SOX6: variants seen among roughly 807,000 people sequenced by gnomAD.
SOX6 encodes transcription factor SOX-6.
A neutral mutation model predicts 97.8 loss-of-function variants in SOX6; 11 were observed. That is an observed-to-expected ratio of 0.11 (90% CI 0.07 to 0.19). The LOEUF (loss-of-function observed/expected upper bound fraction) is 0.19. SOX6 is among the 10% of genes least tolerant of loss of function. The probability of loss-of-function intolerance (pLI) is 1.00; values close to 1 mark genes in which losing one functional copy is unlikely to be tolerated. For missense variants in SOX6, 810 were observed against 1,039.5 expected (o/e 0.78, Z 3.04); for synonymous variants, 360 against 371.4 (o/e 0.97, Z 0.35).
At position 16,610,391 on chromosome 11, in the gene SOX6, C is replaced by G. The variant is rs1434038482; in HGVS notation, n.609+1690G>C. Among the ~76,000 whole-genome samples the G allele has an allele frequency of 6.6e-6, 1 of 152,194 alleles. No individual in the cohort carries two copies. Among genetic ancestry groups the G allele is most frequent in the Non-Finnish European group, 1.5e-5 (1 of 68,038 alleles). Reference sequence around the variant, plus strand: ...TTTGGCTTTCCAAATACTAGCGCGTCCGTCTCTTTAAATCACAGAGCAATC... The same window carrying G: ...TTTGGCTTTCCAAATACTAGCGCGTGCGTCTCTTTAAATCACAGAGCAATC... On this transcript the variant is annotated intron_variant and non_coding_transcript_variant, in intron 4 of 5. Coordinates refer to the SOX6 transcript ENST00000524520. The surrounding 1 kb of genome is among the most constrained non-coding windows in gnomAD (Gnocchi z 4.4).
intron 3 of SOX6, among the ~76,000 whole-genome samples, chr11:16,709,714 G>A (rs902652682): frequency 2.0e-5 from 3 of 152,146 alleles, no homozygotes; most frequent in Admixed American, 1.3e-4. Context: ...CCCAGTCTCA[G>A]GTATTTCTTT....
chr11:16,353,534 A>C (rs2134363241), intron 1 of SOX6, among the ~76,000 whole-genome samples: 1 of 152,056 alleles, frequency 6.6e-6, no homozygotes, highest in East Asian at 1.9e-4. Flanking sequence ...CAAATAACTA[A>C]AGTGCTGCTA....
chr11:16,100,429 T>C (rs1848914840), intron 7 of SOX6, among the ~76,000 whole-genome samples: 1 of 151,684 alleles, frequency 6.6e-6, no homozygotes, highest in Non-Finnish European at 1.5e-5. Context: ...TTTTCCAGCT[T>C]TCTACATATT....
intron 1 of SOX6, among the ~76,000 whole-genome samples, chr11:16,475,840 C>T (rs539388757): frequency 2.0e-5 from 3 of 152,100 alleles, no homozygotes; most frequent in Non-Finnish European, 4.4e-5. Flanking sequence ...TGCAATAAAA[C>T]GAGGTATGCC....
intron 6 of SOX6, among the ~76,000 whole-genome samples, chr11:16,167,979 C>T (rs1415713845): frequency 2.0e-5 from 3 of 152,102 alleles, no homozygotes; most frequent in Non-Finnish European, 4.4e-5. Context: ...GTATCAGAAA[C>T]ATAACAACTG....
chr11:16,335,593 T>G (rs1400375690), intron 2 of SOX6, among the ~76,000 whole-genome samples: 1 of 152,194 alleles, frequency 6.6e-6, no homozygotes, highest in Non-Finnish European at 1.5e-5. Flanking sequence ...TGGCAACAAT[T>G]CAAGTTTTTA....
Position 15,971,993 on chromosome 11 carries a change from GGTGT to G in SOX6, c.*812_*815del. 1 of 152,642 alleles carries G rather than the reference GGTGT, an allele frequency of 6.6e-6. No individual in the cohort carries two copies. The highest frequency in any genetic ancestry group is 2.4e-5 in the African/African-American group (1 of 41,526). 9.5% of individuals were successfully genotyped at this position (152,642 alleles called of 1,614,324 possible). On this transcript the variant is annotated 3_prime_UTR_variant, in exon 16 of 16. Coordinates refer to ENST00000683767, the MANE Select transcript of SOX6 (RefSeq NM_001367873.1). ...CGATATCTGGTGTGGCGGTTGCTCT[GGTGT>G]GTGTATGTCATACCACATCACGCAC...
At chr11:16,362,550 G>C (rs779375593) in intron 1 of SOX6, among the ~76,000 whole-genome samples, 1 of 152,016 alleles carries the variant, frequency 6.6e-6, no homozygotes, top group Admixed American at 6.6e-5. Flanking sequence ...TTATAGAACA[G>C]CAAGATAATT....
At chr11:16,339,778 C>T (rs575189740) in intron 2 of SOX6, among the ~76,000 whole-genome samples, 2 of 152,156 alleles carry the variant, frequency 1.3e-5, no homozygotes, top group South Asian at 2.1e-4. Context: ...AAAAATGAAA[C>T]ATCGCTCCAT....
intron 4 of SOX6, among the ~76,000 whole-genome samples, chr11:16,550,774 T>C (rs963045871): frequency 6.6e-6 from 1 of 152,190 alleles, no homozygotes; most frequent in Non-Finnish European, 1.5e-5. Flanking sequence ...AATAATATTA[T>C]TTAAAGGTAG....
At chr11:16,424,000 T>C (rs1183431949) in intron 1 of SOX6, among the ~76,000 whole-genome samples, 1 of 152,200 alleles carries the variant, frequency 6.6e-6, no homozygotes, top group Non-Finnish European at 1.5e-5. Context: ...CCGTATTAAT[T>C]ACTACAGAAA....
chr11:16,394,191 G>C (rs868773444), intron 1 of SOX6, among the ~76,000 whole-genome samples: 1 of 151,792 alleles, frequency 6.6e-6, no homozygotes, highest in African/African-American at 2.4e-5. Flanking sequence ...ATGGAAAAAG[G>C]CACCATCAGA....
At chr11:16,692,343 C>G (rs1188685102) in intron 3 of SOX6, among the ~76,000 whole-genome samples, 1 of 152,128 alleles carries the variant, frequency 6.6e-6, no homozygotes, top group Non-Finnish European at 1.5e-5. Flanking sequence ...AACCACCGCA[C>G]CTGGCCCACT....
chr11:16,736,532 C>G (rs1455026196), intron 1 of SOX6: 1 of 152,228 alleles, frequency 6.6e-6, no homozygotes, highest in South Asian at 2.1e-4. Flanking sequence ...CTTTCACCAA[C>G]TAGTAAAATT....
intron 4 of SOX6, among the ~76,000 whole-genome samples, chr11:16,538,561 A>G (rs777444588): frequency 8.5e-5 from 13 of 152,288 alleles, no homozygotes; most frequent in South Asian, 2.1e-4. Flanking sequence ...CCATCAGTGT[A>G]CTGTATTCAG....
chr11:15,970,299 C>T lies in SOX6; in HGVS notation c.*2510G>A, dbSNP rs959283468. 7 of 152,502 alleles carry T rather than the reference C, an allele frequency of 4.6e-5. No individual in the cohort carries two copies. The highest frequency in any genetic ancestry group is 1.7e-4 in the African/African-American group (7 of 41,394). The allele number at this position is 152,502 out of a possible 1,614,324, so 9.4% of individuals were successfully genotyped here. A position where few individuals can be genotyped will look rare whatever the true frequency, so the allele number is the denominator to read the frequency against. On this transcript the variant is annotated 3_prime_UTR_variant, in exon 16 of 16. Coordinates refer to ENST00000683767, the MANE Select transcript of SOX6 (RefSeq NM_001367873.1). Reference sequence around the variant, plus strand: ...CAGTCCTAAAGAACAGTCCTTTGTTCTCCACCAGCCCAGAATATTATTTTG... The same window carrying T: ...CAGTCCTAAAGAACAGTCCTTTGTTTTCCACCAGCCCAGAATATTATTTTG...
intron 7 of SOX6, among the ~76,000 whole-genome samples, chr11:16,104,653 C>T (rs1047973095): frequency 6.6e-6 from 1 of 151,068 alleles, no homozygotes. Flanking sequence ...CACACATACA[C>T]ACACACACAC....
At chr11:16,595,050 A>T (rs924242571) in intron 4 of SOX6, among the ~76,000 whole-genome samples, 1 of 152,178 alleles carries the variant, frequency 6.6e-6, no homozygotes, top group South Asian at 2.1e-4. Flanking sequence ...ATGTTCTTTA[A>T]ATATGATGCT....
At chr11:16,521,423 G>A (rs968254283) in intron 4 of SOX6, among the ~76,000 whole-genome samples, 1 of 152,172 alleles carries the variant, frequency 6.6e-6, no homozygotes, top group African/African-American at 2.4e-5. Context: ...TGAGGGTCCT[G>A]TCTGTTAGAA....
Sources: gnomAD v4.1 joint callset for allele counts (sites outside exome capture counted in the v4.1 genomes callset) on GRCh38, gnomAD v4.1.1 for gene constraint, Gnocchi (gnomAD v3.1) non-coding constraint, MANE v1.5 for transcripts, NCBI Gene and HGNC (gene_info 2026-07-23, HGNC 2026-07-21) for gene names.